Variants in SPTB observed in about 807,000 individuals in gnomAD.
SPTB encodes spectrin beta, erythrocytic, also known as spectrin beta chain, erythrocytic.
A neutral mutation model predicts 256.2 loss-of-function variants in SPTB; 45 were observed. That is an observed-to-expected ratio of 0.18 (90% CI 0.14 to 0.23). The LOEUF (loss-of-function observed/expected upper bound fraction) is 0.23, where lower values mean the gene tolerates loss of function less well. Among genes scored for constraint, SPTB ranks in the 10% least tolerant of loss-of-function variants. The pLI, the probability that SPTB is intolerant of heterozygous loss-of-function variation, is 1.00. For missense variants in SPTB, 2,715 were observed against 3,040.4 expected (o/e 0.89, Z 2.52); for synonymous variants, 1,231 against 1,243.1 (o/e 0.99, Z 0.21).
Position 64,807,323 on chromosome 14 carries a change from G to A in SPTB, c.149-2233C>T, listed in dbSNP as rs1040081717. Among the ~76,000 whole-genome samples the A allele has an allele frequency of 8.5e-5, 13 of 152,344 alleles. No individual in the cohort carries two copies. Among genetic ancestry groups the A allele is most frequent in the Admixed American group, 3.3e-4 (5 of 15,296 alleles). ...GAACTATTTATCTGTGCTTGGCAAAGGGTAAGGGAGTGATTCTAGCTGGGA... is the reference window on the plus strand; with the variant it reads ...GAACTATTTATCTGTGCTTGGCAAAAGGTAAGGGAGTGATTCTAGCTGGGA... On this transcript the variant is annotated intron_variant, in intron 2 of 35. Coordinates refer to ENST00000644917, the MANE Select transcript of SPTB (RefSeq NM_001355436.2). This position sits in a 1 kb window ranked among gnomAD's most constrained non-coding sequence, Gnocchi z 4.7.
chr14:64,770,930 C>A lies in SPTB; in HGVS notation c.5753G>T (p.Trp1918Leu). The change falls in exon 27 of 36, where the codon TGG (tryptophan) becomes TTG (leucine). Residue 1918 changes from tryptophan (W) to leucine (L), a missense_variant. Transcript: ENST00000644917. ...GATCTGCCGGATGATGCTCTCCATC[C>A]AGGAGAGGAGGTCACGGGCCATGCT... ...FFSMARDLLSWMESIIRQIET... is the reference protein window; with the variant it reads ...FFSMARDLLSLMESIIRQIET... 2 of 1,614,116 alleles carry A rather than the reference C, an allele frequency of 1.2e-6. No individual in the cohort carries two copies. The highest frequency in any genetic ancestry group is 1.7e-6 in the Non-Finnish European group (2 of 1,180,022).
At chr14:64,762,251 T>C (rs890705833) in intron 32 of SPTB, among the ~76,000 whole-genome samples, 13 of 152,232 alleles carry the variant, frequency 8.5e-5, no homozygotes, top group African/African-American at 2.9e-4. Context: ...AGGATTTGCA[T>C]TCACTGCAAA....
At chr14:64,751,236 C>T (rs962407230) in intron 33 of SPTB, among the ~76,000 whole-genome samples, 6 of 151,818 alleles carry the variant, frequency 4.0e-5, no homozygotes, top group African/African-American at 1.5e-4. Flanking sequence ...TTTCTTGCCT[C>T]AGCCTCCCGA....
In SPTB at chr14:64,795,024, C is replaced by T. The variant is rs1309544632; in HGVS notation, c.1644+313G>A. ...AGAGTCAAATTGTAATTACTAAGAG[C>T]TTGATTCTCCAGGTTCCTGATTAAT... On this transcript the variant is annotated intron_variant, in intron 12 of 35. Coordinates refer to ENST00000644917, the MANE Select transcript of SPTB (RefSeq NM_001355436.2). This position sits in a 1 kb window ranked among gnomAD's most constrained non-coding sequence, Gnocchi z 6.5. 6.6e-6 allele frequency among the ~76,000 whole-genome samples: 1 copy of T among 152,190 alleles called. No individual in the cohort carries two copies.
chr14:64,857,631 T>C (rs1400751071), intron 1 of SPTB, among the ~76,000 whole-genome samples: 1 of 139,436 alleles, frequency 7.2e-6, no homozygotes, highest in Non-Finnish European at 1.6e-5. Flanking sequence ...TCATTTGGGG[T>C]GAATGGGAAC....
chr14:64,786,860 C>T lies in SPTB; in HGVS notation c.3105G>A (p.Arg1035=). 6.2e-7 allele frequency: 1 copy of T among 1,613,126 alleles called. No homozygotes were observed. Among genetic ancestry groups the T allele is most frequent in the East Asian group, 2.2e-5 (1 of 44,874 alleles). The stretch of plus-strand genomic sequence containing the variant: ...GCCACAGCTCCTCCAAGTGTTTTTG[C>T]CGCTGACCAATATCCTCCTTCTGCT... ...HPEQKEDIGQ[R]QKHLEELWQG... Residue 1035 remains arginine (R), a synonymous_variant, in exon 16 of 36, where the codon CGG becomes CGA. Coordinates refer to ENST00000644917, the MANE Select transcript of SPTB (RefSeq NM_001355436.2). The surrounding 1 kb of genome is among the most constrained non-coding windows in gnomAD (Gnocchi z 5.6).
chr14:64,784,428 G>A (rs1346886901), intron 18 of SPTB, 35 bp from the exon 19 acceptor site: 3 of 1,613,062 alleles, frequency 1.9e-6, no homozygotes, highest in Admixed American at 1.7e-5. Context: ...CTATCCCTGA[G>A]TATATTTCTT....
At position 64,825,179 on chromosome 14, in the gene SPTB, A is replaced by G. The variant is rs997720297; in HGVS notation, c.-51-2034T>C. On this transcript the variant is annotated intron_variant, in intron 1 of 35. Transcript: ENST00000644917. The surrounding 1 kb of genome is among the most constrained non-coding windows in gnomAD (Gnocchi z 4.8). Reference sequence around the variant, plus strand: ...TCAATCAGAAGGGTTTCAGGAGGGCAGGTGGGGAAAGGACATGGTGCATGG... The same window carrying G: ...TCAATCAGAAGGGTTTCAGGAGGGCGGGTGGGGAAAGGACATGGTGCATGG... Among the ~76,000 whole-genome samples, 4 of 152,120 alleles carry G rather than the reference A, an allele frequency of 2.6e-5. No homozygotes were observed. The highest frequency in any genetic ancestry group is 4.4e-5 in the Non-Finnish European group (3 of 68,020).
At position 64,816,585 on chromosome 14, in the gene SPTB, G is replaced by A. The variant is rs2083194914; in HGVS notation, c.148+6362C>T. Among the ~76,000 whole-genome samples, 1 of 152,136 alleles carries A rather than the reference G, an allele frequency of 6.6e-6. No individual in the cohort carries two copies. Among genetic ancestry groups the A allele is most frequent in the Non-Finnish European group, 1.5e-5 (1 of 68,024 alleles). On this transcript the variant is annotated intron_variant, in intron 2 of 35. Transcript: ENST00000644917. This position sits in a 1 kb window ranked among gnomAD's most constrained non-coding sequence, Gnocchi z 4.2. The stretch of plus-strand genomic sequence containing the variant: ...CTATGCACGTGTGTCTATGCACATA[G>A]ACACGTGTGGGATTATTTGATCTAC...
Position 64,759,074 on chromosome 14 carries a change from T to G in SPTB, c.6346-5281A>C, listed in dbSNP as rs1280214702. Among the ~76,000 whole-genome samples the G allele has an allele frequency of 6.6e-6, 1 of 152,094 alleles. No homozygotes were observed. Among genetic ancestry groups the G allele is most frequent in the Non-Finnish European group, 1.5e-5 (1 of 67,992 alleles). On this transcript the variant is annotated intron_variant, in intron 32 of 35. Transcript: ENST00000644917. This position sits in a 1 kb window ranked among gnomAD's most constrained non-coding sequence, Gnocchi z 4.8. Reference sequence around the variant, plus strand: ...GTCATGGGACTCAGCCTCTCCTATCTCAGATGAGAAAACTGGGTTCCGGAA... The same window carrying G: ...GTCATGGGACTCAGCCTCTCCTATCGCAGATGAGAAAACTGGGTTCCGGAA...
Position 64,822,832 on chromosome 14 carries a change from T to C in SPTB, c.148+115A>G, listed in dbSNP as rs890121862. 4.0e-6 allele frequency: 6 copies of C among 1,495,558 alleles called. No individual in the cohort carries two copies. In the African/African-American group the frequency reaches 8.3e-5, roughly 21 times the overall value. 92.6% of individuals were successfully genotyped at this position (1,495,558 alleles called of 1,614,324 possible). The stretch of plus-strand genomic sequence containing the variant: ...CCTGAGCCCGACAAACACGTCTCCA[T>C]CACTGCCATGCCAGGGCTCACCCAA... On this transcript the variant is annotated intron_variant, in intron 2 of 35. Transcript: ENST00000644917.
In SPTB at chr14:64,786,427, C is replaced by T. The variant is rs143493156; in HGVS notation, c.3538G>A (p.Ala1180Thr). ...FQEFQKDAKQ[A>T]EAILSNQEYT... ...ACCTGGTTGCTGAGGATGGCTTCAG[C>T]CTGCTTGGCATCTTTCTGGAACTCC... The change falls in exon 16 of 36, where the codon GCT (alanine) becomes ACT (threonine). Residue 1180 changes from alanine to threonine, a missense_variant. Coordinates refer to ENST00000644917, the MANE Select transcript of SPTB (RefSeq NM_001355436.2). The surrounding 1 kb of genome is among the most constrained non-coding windows in gnomAD (Gnocchi z 5.6). 46 of 1,614,114 alleles carry T rather than the reference C, an allele frequency of 2.8e-5. No individual in the cohort carries two copies. In the African/African-American group the frequency reaches 5.6e-4, roughly 20 times the overall value.
intron 1 of SPTB, among the ~76,000 whole-genome samples, chr14:64,858,205 A>G (rs962081627): frequency 6.6e-6 from 1 of 152,206 alleles, no homozygotes; most frequent in African/African-American, 2.4e-5. Flanking sequence ...CCTCACGAGG[A>G]ACGGAAATTT....
intron 1 of SPTB, among the ~76,000 whole-genome samples, chr14:64,864,544 T>C (rs1275248787): frequency 1.3e-5 from 2 of 152,178 alleles, no homozygotes; most frequent in Non-Finnish European, 2.9e-5. Flanking sequence ...AGTTACAATG[T>C]AGTATGAAAA....
rs1478356786 is a variant in SPTB at position 64,869,769 on chromosome 14, C to T, written c.-52+10023G>A. On this transcript the variant is annotated intron_variant, in intron 1 of 35. Transcript: ENST00000644917. ...TCCTGAGTAGCTGGAACTACAGGCA[C>T]GTGCCACGATGCCCTGCTTTTTTTT... is the stretch of plus-strand genomic sequence containing the variant. Among the ~76,000 whole-genome samples the T allele has an allele frequency of 4.1e-5, 6 of 147,510 alleles. No individual in the cohort carries two copies. The East Asian group carries it at 6.0e-4, about 15-fold the overall frequency.
chr14:64,769,735 G>A lies in SPTB; in HGVS notation c.5799-7C>T, dbSNP rs7142689. ...TTCCACAGAGGAGACATCCCTGGGG[G>A]ACAGGAGGACAAGGGAAGAAGGGAA... On this transcript the variant is annotated splice_polypyrimidine_tract_variant and splice_region_variant and intron_variant, in intron 27 of 35. Coordinates refer to ENST00000644917, the MANE Select transcript of SPTB (RefSeq NM_001355436.2). The A allele has an allele frequency of 0.11, 180,562 of 1,613,866 alleles. 12,813 individuals carry two copies. The highest frequency in any genetic ancestry group is 0.33 in the African/African-American group (24,940 of 74,942).
At position 64,793,556 on chromosome 14, in the gene SPTB, T is replaced by C; in HGVS notation, c.2107A>G (p.Met703Val). Reference sequence around the variant, plus strand: ...TGCCCAAACTGCTTGCGCGCAACCATGCCATGAGCCTCCTGGAAGATCTGC... The same window carrying C: ...TGCCCAAACTGCTTGCGCGCAACCACGCCATGAGCCTCCTGGAAGATCTGC... ...LEQIFQEAHG[M>V]VARKQFGHPQ... is the part of the protein sequence containing the mutation. The change falls in exon 14 of 36, where the codon ATG becomes GTG. Residue 703 changes from methionine (M) to valine (V), a missense_variant. Coordinates refer to ENST00000644917, the MANE Select transcript of SPTB (RefSeq NM_001355436.2). This position sits in a 1 kb window ranked among gnomAD's most constrained non-coding sequence, Gnocchi z 7.0. The C allele has an allele frequency of 6.2e-7, 1 of 1,614,124 alleles. No individual in the cohort carries two copies. The highest frequency in any genetic ancestry group is 8.5e-7 in the Non-Finnish European group (1 of 1,180,024).
chr14:64,811,948 C>T (rs1043827274), intron 2 of SPTB, among the ~76,000 whole-genome samples: 1 of 152,160 alleles, frequency 6.6e-6, no homozygotes, highest in Non-Finnish European at 1.5e-5. Context: ...AATGCACATG[C>T]TTTTGGACCC....
chr14:64,817,927 A>C (rs1447277547), intron 2 of SPTB, among the ~76,000 whole-genome samples: 3 of 152,232 alleles, frequency 2.0e-5, no homozygotes, highest in Non-Finnish European at 2.9e-5. Context: ...TAAGGCTCAG[A>C]GTGGCAGCAA....
Sources: allele counts gnomAD v4.1 joint callset (sites outside exome capture counted in the v4.1 genomes callset), GRCh38; gene constraint gnomAD v4.1.1; non-coding constraint Gnocchi (gnomAD v3.1); transcripts MANE v1.5; gene names NCBI Gene and HGNC (gene_info 2026-07-23, HGNC 2026-07-21).